Variants in RADIL observed in about 807,000 individuals in gnomAD.
RADIL encodes ras-associating and dilute domain-containing protein.
A neutral mutation model predicts 97.6 loss-of-function variants in RADIL; 99 were observed. The ratio of observed to expected loss-of-function variants is 1.01; its 90% CI spans 0.86 to 1.20. The LOEUF is 1.20. Among genes scored for constraint, RADIL ranks in the 50% most tolerant of loss-of-function variants. RADIL has a pLI of 0.00. For missense variants in RADIL, 1,765 were observed against 1,498.9 expected, an observed-to-expected ratio of 1.18 and a Z score of -2.93; for synonymous variants, 803 against 691.8, an observed-to-expected ratio of 1.16 and a Z score of -2.52.
At chr7:4,875,248 G>A (rs1361745125) in intron 2 of RADIL, among the ~76,000 whole-genome samples, 3 of 135,600 alleles carry the variant, frequency 2.2e-5, no homozygotes, top group South Asian at 2.2e-4. Flanking sequence ...AAAATTAGCC[G>A]GGCGTGGTGG....
intron 2 of RADIL, chr7:4,860,340 T>G (rs1019790222): frequency 1.7e-5 from 28 of 1,613,926 alleles, no homozygotes; most frequent in African/African-American, 2.7e-5. Flanking sequence ...AGTTCCTTTC[T>G]TCTTAAATGC....
At chr7:4,866,530 G>A (rs768636264) in intron 2 of RADIL, among the ~76,000 whole-genome samples, 12 of 152,192 alleles carry the variant, frequency 7.9e-5, no homozygotes, top group Non-Finnish European at 1.5e-4. Flanking sequence ...TGATTAGATA[G>A]AGGGGCAATT....
intron 5 of RADIL, among the ~76,000 whole-genome samples, chr7:4,830,781 G>A (rs549051255): frequency 8.4e-4 from 128 of 152,256 alleles, no homozygotes; most frequent in Middle Eastern, 6.8e-3. Context: ...TTGGGAGGCC[G>A]AGGCGGGTGG....
At position 4,801,965 on chromosome 7, in the gene RADIL, G is replaced by A. The variant is rs1271020654; in HGVS notation, c.2530C>T (p.Leu844=). Residue 844 remains leucine, a synonymous_variant, in exon 12 of 15, where the codon CTG becomes TTG. Transcript: ENST00000399583. ...GCCAGGGGGCAGCTCGGGGCCTCCA[G>A]GTGCCCGTCAAGGACCACGTGGTGC... The part of the protein sequence containing the change: ...GMHHVVLDGH[L]EAPSCPLAPR... The A allele has an allele frequency of 2.6e-6, 4 of 1,551,952 alleles. No homozygotes were observed. Among genetic ancestry groups the A allele is most frequent in the African/African-American group, 2.8e-5 (2 of 72,394 alleles).
Position 4,875,117 on chromosome 7 carries a change from G to A in RADIL, c.535+2488C>T, listed in dbSNP as rs1224826429. Reference sequence around the variant, plus strand: ...TGAGGCAGGAGAATGGCGTGAACCCGGGAGGCGGAGCTTGCAGTGAGCCGA... The same window carrying A: ...TGAGGCAGGAGAATGGCGTGAACCCAGGAGGCGGAGCTTGCAGTGAGCCGA... On this transcript the variant is annotated intron_variant, in intron 2 of 14. Coordinates refer to ENST00000399583, the MANE Select transcript of RADIL (RefSeq NM_018059.5). 6.3e-4 allele frequency among the ~76,000 whole-genome samples: 90 copies of A among 143,548 alleles called. 10 individuals carry two copies. The highest frequency in any genetic ancestry group is 2.4e-3 in the African/African-American group (81 of 33,478). 94.2% of individuals were successfully genotyped at this position (143,548 alleles called of 152,430 possible).
chr7:4,869,381 C>T (rs1784202537), intron 2 of RADIL, among the ~76,000 whole-genome samples: 2 of 152,220 alleles, frequency 1.3e-5, no homozygotes, highest in South Asian at 4.1e-4. Flanking sequence ...GATCCTCTCA[C>T]TTCAGCCTCC....
chr7:4,857,294 C>A (rs903823156), intron 2 of RADIL, among the ~76,000 whole-genome samples: 1 of 152,138 alleles, frequency 6.6e-6, no homozygotes, highest in Non-Finnish European at 1.5e-5. Flanking sequence ...AGCTTCTTTT[C>A]ATTAGCGTGC....
chr7:4,825,041 C>G (rs1782935129), intron 5 of RADIL, among the ~76,000 whole-genome samples: 2 of 152,134 alleles, frequency 1.3e-5, no homozygotes, highest in Non-Finnish European at 2.9e-5. Flanking sequence ...AGATCCAGCC[C>G]ATCCTACCCA....
In RADIL at chr7:4,799,673, G is replaced by A; in HGVS notation, c.3079C>T (p.Leu1027=). ...DGRLSLGDRI[L]EVNGSSLLGL... ...AGGAGGCTGCTGCCATTCACCTCCA[G>A]GATACGGTCCCCCAGCGACAGGCGC... Residue 1027 remains leucine (L), a synonymous_variant, in exon 14 of 15, where the codon CTG becomes TTG. Transcript: ENST00000399583. The A allele has an allele frequency of 6.3e-7, 1 of 1,595,100 alleles. No homozygotes were observed.
rs1248267559 is a variant in RADIL at position 4,878,336 on chromosome 7, G to A, written c.-64-133C>T. On this transcript the variant is annotated intron_variant, in intron 1 of 14. Transcript: ENST00000399583. This position sits in a 1 kb window ranked among gnomAD's most constrained non-coding sequence, Gnocchi z 4.1. ...AGGTGGGAGGACGGCTTGAGCCCGG[G>A]AGTTCCAGACCAGCCTGGGAAACAT... 3.2e-6 allele frequency: 2 copies of A among 627,908 alleles called. No individual in the cohort carries two copies. The highest frequency in any genetic ancestry group is 3.7e-5 in the African/African-American group (2 of 54,212). 38.9% of individuals were successfully genotyped at this position (627,908 alleles called of 1,614,324 possible).
intron 2 of RADIL, among the ~76,000 whole-genome samples, chr7:4,871,829 G>A (rs1263277016): frequency 6.6e-6 from 1 of 152,218 alleles, no homozygotes; most frequent in Non-Finnish European, 1.5e-5. Context: ...TGGATGGGCT[G>A]TTTTTCAGTC....
At position 4,822,702 on chromosome 7, in the gene RADIL, T is replaced by A; in HGVS notation, c.1455-148A>T. ...CCTGACACTGCTGGGCGGGGACGTT[T>A]AACAATACGTGTACCCGCCTGGCAC... On this transcript the variant is annotated intron_variant, in intron 5 of 14. Transcript: ENST00000399583. This position sits in a 1 kb window ranked among gnomAD's most constrained non-coding sequence, Gnocchi z 5.3. 2 of 920,070 alleles carry A rather than the reference T, an allele frequency of 2.2e-6. No individual in the cohort carries two copies. Among genetic ancestry groups the A allele is most frequent in the Non-Finnish European group, 3.2e-6 (2 of 628,272 alleles). 57.0% of individuals were successfully genotyped at this position (920,070 alleles called of 1,614,324 possible).
Position 4,854,672 on chromosome 7 carries a change from C to G in RADIL, c.536-18067G>C, listed in dbSNP as rs536631855. On this transcript the variant is annotated intron_variant, in intron 2 of 14. Transcript: ENST00000399583. The surrounding 1 kb of genome is among the most constrained non-coding windows in gnomAD (Gnocchi z 5.1). ...TGGCGCCACCGCACTCCACCCTGGGCGACAGAGCGAGACTCCGTATCAAAA... is the reference window on the plus strand; with the variant it reads ...TGGCGCCACCGCACTCCACCCTGGGGGACAGAGCGAGACTCCGTATCAAAA... Among the ~76,000 whole-genome samples, 1 of 152,130 alleles carries G rather than the reference C, an allele frequency of 6.6e-6. No individual in the cohort carries two copies. Among genetic ancestry groups the G allele is most frequent in the African/African-American group, 2.4e-5 (1 of 41,430 alleles).
intron 10 of RADIL, among the ~76,000 whole-genome samples, chr7:4,804,691 G>A (rs1194424767): frequency 6.6e-6 from 1 of 152,150 alleles, no homozygotes; most frequent in African/African-American, 2.4e-5. Context: ...GGAGACTGAG[G>A]CAGGAGAATC....
chr7:4,869,694 TC>T (rs1389327132), intron 2 of RADIL, among the ~76,000 whole-genome samples: 2 of 152,174 alleles, frequency 1.3e-5, no homozygotes, highest in African/African-American at 2.4e-5. Flanking sequence ...GCTTTATTTG[TC>T]TCTTCCTGCC....
At chr7:4,850,643 C>A (rs570834969) in intron 2 of RADIL, among the ~76,000 whole-genome samples, 1 of 152,228 alleles carries the variant, frequency 6.6e-6, no homozygotes, top group East Asian at 1.9e-4. Context: ...GAGTGGTCCA[C>A]GGCTGTGAGC....
intron 9 of RADIL, among the ~76,000 whole-genome samples, chr7:4,810,744 A>G (rs1782520163): frequency 6.6e-6 from 1 of 152,172 alleles, no homozygotes; most frequent in South Asian, 2.1e-4. Flanking sequence ...CCTCATTTAC[A>G]ACGTCACCAG....
chr7:4,807,075 T>C (rs1298062677), intron 9 of RADIL, among the ~76,000 whole-genome samples: 1 of 152,094 alleles, frequency 6.6e-6, no homozygotes, highest in Non-Finnish European at 1.5e-5. Flanking sequence ...CTCTGCTGGC[T>C]CTTTCTGGAC....
At chr7:4,836,244 G>A in intron 3 of RADIL, 114 bp downstream of exon 3, 1 of 1,462,290 alleles carries the variant, frequency 6.8e-7, no homozygotes, top group Non-Finnish European at 9.2e-7. Flanking sequence ...AGGGGCTGCA[G>A]CCACAGAGCT....
Sources: gnomAD v4.1 joint callset for allele counts (sites outside exome capture counted in the v4.1 genomes callset) on GRCh38, gnomAD v4.1.1 for gene constraint, Gnocchi (gnomAD v3.1) non-coding constraint, MANE v1.5 for transcripts, NCBI Gene and HGNC (gene_info 2026-07-23, HGNC 2026-07-21) for gene names.